Variants in RBMS1 observed in about 807,000 individuals in gnomAD.
RBMS1 encodes the protein RNA binding motif single stranded interacting protein 1, also known as RNA-binding motif, single-stranded-interacting protein 1.
Under a neutral mutation model 62.3 loss-of-function variants are expected in RBMS1, and 17 were observed. The observed-to-expected ratio is 0.27, with a 90% CI of 0.19 to 0.41. The LOEUF is 0.41. Ranked by LOEUF, RBMS1 falls within the 10% of genes least tolerant of loss-of-function variation. RBMS1 has a pLI of 1.00. For synonymous variants in RBMS1, 172 were observed against 170.0 expected (o/e 1.01, Z -0.09); for missense variants, 334 against 504.5 (o/e 0.66, Z 3.24).
rs377476506 is a variant in RBMS1 at position 160,348,244 on chromosome 2, T to C, written c.251+18972A>G. Among the ~76,000 whole-genome samples the C allele has an allele frequency of 2.6e-4, 40 of 152,242 alleles. 1 individual carries two copies. The East Asian group carries it at 4.4e-3, about 17-fold the overall frequency. Reference sequence around the variant, plus strand: ...TCCCCAACAAGGTATTTTAAAGGTGTCTCATTCAAAATATCCTCTTCACCA... The same window carrying C: ...TCCCCAACAAGGTATTTTAAAGGTGCCTCATTCAAAATATCCTCTTCACCA... On this transcript the variant is annotated intron_variant, in intron 2 of 13. Transcript: ENST00000348849.
intron 1 of RBMS1, among the ~76,000 whole-genome samples, chr2:160,488,448 C>T (rs965033059): frequency 9.2e-5 from 14 of 152,188 alleles, no homozygotes; most frequent in African/African-American, 3.1e-4. Context: ...TTGTGGCACG[C>T]GCCTGTAGTC....
At chr2:160,448,203 A>G (rs929646287) in intron 1 of RBMS1, among the ~76,000 whole-genome samples, 3 of 152,074 alleles carry the variant, frequency 2.0e-5, no homozygotes, top group Non-Finnish European at 4.4e-5. Context: ...TAATTTTTTT[A>G]GAAAGTTGTA....
intron 1 of RBMS1, among the ~76,000 whole-genome samples, chr2:160,454,025 C>T (rs1193467321): frequency 1.3e-5 from 2 of 152,238 alleles, no homozygotes; most frequent in African/African-American, 4.8e-5. Flanking sequence ...CCCCCAAACA[C>T]AAGCCCTTGT....
At chr2:160,426,301 G>GAAAAGAAAAGAAA (rs1559537559) in intron 1 of RBMS1, among the ~76,000 whole-genome samples, 1 of 28,582 alleles carries the variant, frequency 3.5e-5, no homozygotes, top group East Asian at 1.3e-3. Flanking sequence ...AAAGAAAGAA[G>GAAAAGAAAAGAAA]GAAGGAAGGA....
At chr2:160,397,923 C>A (rs961090035) in intron 1 of RBMS1, among the ~76,000 whole-genome samples, 6 of 152,192 alleles carry the variant, frequency 3.9e-5, no homozygotes, top group Admixed American at 3.9e-4. Flanking sequence ...AAGGCTCCCC[C>A]CTACTCCTGC....
intron 1 of RBMS1, among the ~76,000 whole-genome samples, chr2:160,471,718 A>ATATATATATATATATATATAG (rs1357101386): frequency 2.1e-4 from 3 of 14,530 alleles, no homozygotes; most frequent in East Asian, 5.6e-3. Flanking sequence ...TATATATATA[A>ATATATATATATATATATATAG]CCTTTCATAC....
intron 1 of RBMS1, among the ~76,000 whole-genome samples, chr2:160,404,569 A>T (rs939980501): frequency 6.6e-6 from 1 of 152,238 alleles, no homozygotes; most frequent in Admixed American, 6.5e-5. Context: ...GAATACGAGA[A>T]GATGTACATA....
intron 1 of RBMS1, among the ~76,000 whole-genome samples, chr2:160,467,334 A>AG (rs1317571723): frequency 6.6e-6 from 1 of 152,204 alleles, no homozygotes; most frequent in Non-Finnish European, 1.5e-5. Flanking sequence ...GTGAGAGCCA[A>AG]GGAGAAGAAC....
chr2:160,381,957 A>G (rs1694304707), intron 1 of RBMS1, among the ~76,000 whole-genome samples: 1 of 152,226 alleles, frequency 6.6e-6, no homozygotes. Context: ...ACAAAAAGTC[A>G]GTACTTTCTA....
chr2:160,324,980 G>C (rs892995455), intron 2 of RBMS1, among the ~76,000 whole-genome samples: 27 of 150,620 alleles, frequency 1.8e-4, no homozygotes, highest in African/African-American at 6.4e-4. Context: ...ATCTTTTGGG[G>C]AGGTGGAGTA....
At chr2:160,304,120 G>A (rs2105953743) in intron 4 of RBMS1, among the ~76,000 whole-genome samples, 1 of 152,118 alleles carries the variant, frequency 6.6e-6, no homozygotes, top group East Asian at 1.9e-4. Context: ...GATGGGAAAG[G>A]AAATACTTTG....
intron 6 of RBMS1, among the ~76,000 whole-genome samples, chr2:160,296,633 T>C (rs1024249836): frequency 2.0e-5 from 3 of 152,216 alleles, no homozygotes; most frequent in Admixed American, 1.3e-4. Flanking sequence ...TCAATGTTTC[T>C]TGGCTGTGTC....
chr2:160,277,340 T>A lies in RBMS1; in HGVS notation c.1106A>T (p.Gln369Leu). ...TSAMQGAYLPQYAHMQTTAVP... is the reference protein window; with the variant it reads ...TSAMQGAYLPLYAHMQTTAVP... ...CGCTGTCGTCTGCATATGTGCATAC[T>A]GTGGCAAGTAGGCTCCTTGCATAGC... The change falls in exon 12 of 14, where the codon CAG (glutamine) becomes CTG (leucine). Residue 369 changes from glutamine (Q) to leucine (L), a missense_variant. Gln to Leu is a moderately radical substitution (Grantham distance 113, BLOSUM62 -2). Coordinates refer to ENST00000348849, the MANE Select transcript of RBMS1 (RefSeq NM_016836.4). 6.2e-7 allele frequency: 1 copy of A among 1,613,640 alleles called. No homozygotes were observed. The highest frequency in any genetic ancestry group is 8.5e-7 in the Non-Finnish European group (1 of 1,179,554).
chr2:160,347,391 A>G (rs1490308291), intron 2 of RBMS1, among the ~76,000 whole-genome samples: 1 of 152,172 alleles, frequency 6.6e-6, no homozygotes, highest in Non-Finnish European at 1.5e-5. Context: ...ATAACACCAT[A>G]CTATGTTTAT....
chr2:160,413,875 A>G (rs572480568), intron 1 of RBMS1, among the ~76,000 whole-genome samples: 2 of 152,342 alleles, frequency 1.3e-5, no homozygotes, highest in South Asian at 4.1e-4. Context: ...TCCAATACAT[A>G]GTAGAGTTGG....
intron 6 of RBMS1, among the ~76,000 whole-genome samples, chr2:160,292,924 G>A (rs2105942807): frequency 6.6e-6 from 1 of 152,298 alleles, no homozygotes; most frequent in South Asian, 2.1e-4. Flanking sequence ...GACCGCCCTT[G>A]CCCCACTGGC....
rs1032690653 is a variant in RBMS1, at chr2:160,285,159, A to T, written c.757-115T>A. 1.0e-5 allele frequency: 10 copies of T among 968,244 alleles called. No homozygotes were observed. The African/African-American group carries it at 1.3e-4, about 13-fold the overall frequency. The allele number at this position is 968,244 out of a possible 1,614,324, so 60.0% of individuals were successfully genotyped here. A position where few individuals can be genotyped will look rare whatever the true frequency, so the allele number is the denominator to read the frequency against. On this transcript the variant is annotated intron_variant, in intron 7 of 13. Coordinates refer to ENST00000348849, the MANE Select transcript of RBMS1 (RefSeq NM_016836.4). Reference sequence around the variant, plus strand: ...GTAGTCCCAGCTGCTGGGGAGGCTGAGGTGGGAAGATCCTTTTGAAGCCCA... The same window carrying T: ...GTAGTCCCAGCTGCTGGGGAGGCTGTGGTGGGAAGATCCTTTTGAAGCCCA...
At chr2:160,289,653 C>T (rs940706535) in intron 6 of RBMS1, among the ~76,000 whole-genome samples, 1 of 152,076 alleles carries the variant, frequency 6.6e-6, no homozygotes, top group African/African-American at 2.4e-5. Flanking sequence ...AAGAGTGTAC[C>T]TAATCTCATG....
chr2:160,424,855 T>C (rs1001513499), intron 1 of RBMS1, among the ~76,000 whole-genome samples: 4 of 151,870 alleles, frequency 2.6e-5, no homozygotes, highest in African/African-American at 9.7e-5. Flanking sequence ...CCTGGGCAAC[T>C]AAAAAGGGGG....
Sources: gnomAD v4.1 joint callset for allele counts (sites outside exome capture counted in the v4.1 genomes callset) on GRCh38, gnomAD v4.1.1 for gene constraint, MANE v1.5 for transcripts, NCBI Gene and HGNC (gene_info 2026-07-23, HGNC 2026-07-21) for gene names.